The following HDAC9 variants were observed in gnomAD, a reference collection of about 807,000 sequenced individuals.
The protein encoded by HDAC9 is MEF-2 interacting transcription repressor (MITR) protein.
HDAC9 carries 41 observed loss-of-function variants against 139.4 expected under a neutral mutation model. The observed-to-expected ratio is 0.29, with a 90% CI of 0.23 to 0.38. The LOEUF (loss-of-function observed/expected upper bound fraction) is 0.38. Ranked by LOEUF, HDAC9 falls within the 10% of genes least tolerant of loss-of-function variation. The pLI, the probability that HDAC9 is intolerant of heterozygous loss-of-function variation, is 1.00. For missense variants in HDAC9, 1,147 were observed against 1,297.0 expected (o/e 0.88, Z 1.78); for synonymous variants, 517 against 476.2 (o/e 1.09, Z -1.12).
chr7:18,973,061 A>C (rs927463861), intron 24 of HDAC9, among the ~76,000 whole-genome samples: 1 of 152,236 alleles, frequency 6.6e-6, no homozygotes, highest in African/African-American at 2.4e-5. Flanking sequence ...ATTTAAAATT[A>C]GTGCTGAGTA....
intron 21 of HDAC9, among the ~76,000 whole-genome samples, chr7:18,852,602 T>C (rs1797383016): frequency 6.6e-6 from 1 of 152,196 alleles, no homozygotes; most frequent in Non-Finnish European, 1.5e-5. Flanking sequence ...TATGCCTTGG[T>C]ACATATAGTC....
chr7:18,937,304 C>G (rs971380497), intron 23 of HDAC9, among the ~76,000 whole-genome samples: 9 of 152,084 alleles, frequency 5.9e-5, no homozygotes, highest in Admixed American at 2.6e-4. Context: ...TCCCAAAGTG[C>G]TGGAATTACA....
rs1789621603 is a variant in HDAC9 at position 18,183,199 on chromosome 7, CG to C, written c.25+20854del. Among the ~76,000 whole-genome samples the C allele has an allele frequency of 2.7e-5, 4 of 150,332 alleles. No homozygotes were observed. The South Asian group carries it at 8.3e-4, about 31-fold the overall frequency. Reference sequence around the variant, plus strand: ...TAATTTTTTGTATTTTTAGTAGAGACGGGGTTTCACCGTGTTAGCCAGGATG... The same window carrying C: ...TAATTTTTTGTATTTTTAGTAGAGACGGGTTTCACCGTGTTAGCCAGGATG... On this transcript the variant is annotated intron_variant, in intron 2 of 12. Coordinates refer to the HDAC9 transcript ENST00000417496.
At chr7:18,677,731 A>C (rs1781611530) in intron 12 of HDAC9, among the ~76,000 whole-genome samples, 1 of 151,880 alleles carries the variant, frequency 6.6e-6, no homozygotes, top group African/African-American at 2.4e-5. Context: ...GTTGGTTATC[A>C]AATTATATAT....
Position 18,952,662 on chromosome 7 carries a change from T to A in HDAC9, c.2938-1484T>A. The stretch of plus-strand genomic sequence containing the variant: ...AAGAGTTTTCCAAGTAAGCTTCAGT[T>A]TATGATTCAGTAGTTCCTCTGAGTT... On this transcript the variant is annotated intron_variant, in intron 23 of 25. Transcript: ENST00000686413. Among the ~76,000 whole-genome samples the A allele has an allele frequency of 1.3e-5, 2 of 151,944 alleles. 1 individual carries two copies. The highest frequency in any genetic ancestry group is 4.8e-5 in the African/African-American group (2 of 41,414).
chr7:18,584,827 G>T (rs1828963262), intron 2 of HDAC9, among the ~76,000 whole-genome samples: 1 of 152,160 alleles, frequency 6.6e-6, no homozygotes, highest in African/African-American at 2.4e-5. Flanking sequence ...TTGTAAAGTT[G>T]AAGATATCTT....
intron 11 of HDAC9, among the ~76,000 whole-genome samples, chr7:18,662,860 C>T (rs1174648860): frequency 1.3e-5 from 2 of 152,088 alleles, no homozygotes; most frequent in East Asian, 3.9e-4. Flanking sequence ...ATTTGGAGAA[C>T]ACTCAGCATG....
At chr7:18,174,362 A>G (rs1788707760) in intron 2 of HDAC9, among the ~76,000 whole-genome samples, 1 of 151,826 alleles carries the variant, frequency 6.6e-6, no homozygotes, top group South Asian at 2.1e-4. Flanking sequence ...ATCTTTTTTC[A>G]TGGTTTTTAG....
intron 1 of HDAC9, among the ~76,000 whole-genome samples, chr7:18,152,744 T>C (rs1332411124): frequency 6.6e-6 from 1 of 152,230 alleles, no homozygotes; most frequent in Non-Finnish European, 1.5e-5. Context: ...AACTTGCTCC[T>C]GTGCAAAATA....
chr7:18,112,266 C>T (rs1054427044), intron 1 of HDAC9, among the ~76,000 whole-genome samples: 25 of 152,056 alleles, frequency 1.6e-4, no homozygotes, highest in Admixed American at 1.3e-3. Flanking sequence ...GTATTTACAC[C>T]GTGGAAATTG....
chr7:18,507,140 A>G (rs1800005772), intron 2 of HDAC9, among the ~76,000 whole-genome samples: 1 of 150,602 alleles, frequency 6.6e-6, no homozygotes, highest in East Asian at 1.9e-4. Flanking sequence ...AGAATGGATA[A>G]CTTATGCAGG....
intron 2 of HDAC9, among the ~76,000 whole-genome samples, chr7:18,190,190 C>G (rs1037521923): frequency 6.6e-6 from 1 of 152,188 alleles, no homozygotes; most frequent in African/African-American, 2.4e-5. Context: ...GTTGTCCCAC[C>G]AATCTTACCC....
chr7:18,446,417 G>A (rs1792300817), intron 1 of HDAC9, among the ~76,000 whole-genome samples: 1 of 152,164 alleles, frequency 6.6e-6, no homozygotes, highest in African/African-American at 2.4e-5. Flanking sequence ...GATTTGACAG[G>A]ACTTGAAAAC....
At chr7:18,496,659 A>C (rs1797020414) in intron 2 of HDAC9, 1 of 220,046 alleles carries the variant, frequency 4.5e-6, no homozygotes, top group African/African-American at 2.3e-5. Context: ...AGCCTATTCT[A>C]ATAGGACTTT....
intron 17 of HDAC9, among the ~76,000 whole-genome samples, chr7:18,821,921 TGA>T (rs1346400286): frequency 6.6e-6 from 1 of 152,152 alleles, no homozygotes; most frequent in African/African-American, 2.4e-5. Context: ...TGTTTTACTA[TGA>T]GAGACACAAC....
intron 13 of HDAC9, among the ~76,000 whole-genome samples, chr7:18,737,979 CT>C (rs892876033): frequency 6.6e-6 from 1 of 152,172 alleles, no homozygotes; most frequent in Non-Finnish European, 1.5e-5. Flanking sequence ...ATAGTTAGCT[CT>C]TCTTGTTGAA....
intron 22 of HDAC9, among the ~76,000 whole-genome samples, chr7:18,910,897 G>T (rs1802682530): frequency 6.6e-6 from 1 of 151,824 alleles, no homozygotes; most frequent in South Asian, 2.1e-4. Flanking sequence ...GGGGGTATGA[G>T]CCTATAGTTT....
chr7:18,877,470 A>G (rs1281494479), intron 22 of HDAC9, among the ~76,000 whole-genome samples: 1 of 152,138 alleles, frequency 6.6e-6, no homozygotes, highest in Middle Eastern at 3.2e-3. Flanking sequence ...ATACACAACC[A>G]AGTTCTTCTC....
chr7:18,294,674 G>A (rs1045375760), intron 1 of HDAC9, among the ~76,000 whole-genome samples: 1 of 152,122 alleles, frequency 6.6e-6, no homozygotes, highest in Non-Finnish European at 1.5e-5. Flanking sequence ...TGTTGTGCAA[G>A]TGCAATCAGA....
Sources: gnomAD v4.1 joint callset for allele counts (sites outside exome capture counted in the v4.1 genomes callset) on GRCh38, gnomAD v4.1.1 for gene constraint, MANE v1.5 for transcripts, NCBI Gene and HGNC (gene_info 2026-07-23, HGNC 2026-07-21) for gene names.